Variants in ADAM17 observed in about 807,000 individuals in gnomAD.
ADAM17 encodes the protein disintegrin and metalloproteinase domain-containing protein 17.
ADAM17 carries 39 observed loss-of-function variants against 96.7 expected under a neutral mutation model. That is an observed-to-expected ratio of 0.40 (90% CI 0.31 to 0.53). The LOEUF (loss-of-function observed/expected upper bound fraction) is 0.53, where lower values mean the gene tolerates loss of function less well. Ranked by LOEUF, ADAM17 falls within the 20% of genes least tolerant of loss-of-function variation. ADAM17 has a pLI of 0.44. For synonymous variants in ADAM17, 344 were observed against 359.2 expected, an observed-to-expected ratio of 0.96 and a Z score of 0.48; for missense variants, 777 against 1,013.2, an observed-to-expected ratio of 0.77 and a Z score of 3.17.
intron 4 of ADAM17, among the ~76,000 whole-genome samples, chr2:9,529,761 C>T (rs1664665099): frequency 6.6e-6 from 1 of 152,050 alleles, no homozygotes; most frequent in Admixed American, 6.6e-5. Context: ...AACTTGAGTC[C>T]AGGAGTTCGA....
intron 5 of ADAM17, among the ~76,000 whole-genome samples, chr2:9,527,320 C>G (rs1161002506): frequency 2.0e-5 from 3 of 150,402 alleles, no homozygotes; most frequent in Non-Finnish European, 2.9e-5. Flanking sequence ...AAAACCTAAC[C>G]AGAGGTGTTT....
chr2:9,552,114 A>T (rs1381120190), intron 1 of ADAM17, among the ~76,000 whole-genome samples: 1 of 152,202 alleles, frequency 6.6e-6, no homozygotes, highest in East Asian at 1.9e-4. Flanking sequence ...CGTTACCTCA[A>T]TGAAGCCCAT....
Position 9,543,343 on chromosome 2 carries a change from G to T in ADAM17, c.98-58C>A. The stretch of plus-strand genomic sequence containing the variant: ...AAACCTAATAATCAATTGTAGTATC[G>T]TTAAAATGAGAGTGCCAGACAATAA... On this transcript the variant is annotated intron_variant, in intron 1 of 18. Transcript: ENST00000310823. 3.6e-6 allele frequency: 5 copies of T among 1,379,640 alleles called. 1 individual carries two copies. In the Admixed American group the frequency reaches 1.0e-4, roughly 29 times the overall value. The allele number at this position is 1,379,640 out of a possible 1,614,324, so 85.5% of individuals were successfully genotyped here.
At chr2:9,508,856 AAG>A (rs932567862) in intron 11 of ADAM17, among the ~76,000 whole-genome samples, 4 of 152,200 alleles carry the variant, frequency 2.6e-5, no homozygotes, top group Non-Finnish European at 5.9e-5. Context: ...AGTAGACAAA[AAG>A]GGGTAGAAAA....
chr2:9,518,373 G>A (rs1364978693), intron 8 of ADAM17, 126 bp from the exon 9 acceptor site: 1 of 1,187,758 alleles, frequency 8.4e-7, no homozygotes, highest in East Asian at 2.8e-5. Flanking sequence ...ATGCAGCTCA[G>A]CACCAGCAAT....
intron 4 of ADAM17, among the ~76,000 whole-genome samples, chr2:9,533,475 A>G (rs1351926408): frequency 2.0e-5 from 3 of 152,120 alleles, no homozygotes; most frequent in Admixed American, 6.5e-5. Flanking sequence ...TGAACCCAGG[A>G]GGCAGAGTCT....
chr2:9,495,725 G>A (rs1056276519), intron 14 of ADAM17, among the ~76,000 whole-genome samples: 371 of 133,240 alleles, frequency 2.8e-3, no homozygotes, highest in Non-Finnish European at 4.7e-3. Context: ...AAAAAAAAAA[G>A]AAAACCTTTT....
intron 8 of ADAM17, among the ~76,000 whole-genome samples, chr2:9,518,769 T>A (rs1183803284): frequency 1.3e-5 from 2 of 152,124 alleles, no homozygotes; most frequent in African/African-American, 2.4e-5. Flanking sequence ...AGATTTTACA[T>A]CCATTTAAAT....
chr2:9,518,910 G>C (rs1572928645), intron 8 of ADAM17, among the ~76,000 whole-genome samples: 1 of 150,550 alleles, frequency 6.6e-6, no homozygotes, highest in Non-Finnish European at 1.5e-5. Flanking sequence ...GGGGGGGTTT[G>C]ATTTATTTTG....
rs72777011 is a variant in ADAM17, at chr2:9,542,774, T to C, written c.230+379A>G. 4.3e-3 allele frequency among the ~76,000 whole-genome samples: 649 copies of C among 152,264 alleles called. 2 individuals are homozygous for C. The highest frequency in any genetic ancestry group is 0.01 in the Admixed American group (157 of 15,268). On this transcript the variant is annotated intron_variant, in intron 2 of 18. Coordinates refer to ENST00000310823, the MANE Select transcript of ADAM17 (RefSeq NM_003183.6). The stretch of plus-strand genomic sequence containing the variant: ...AGTGCAGTGGCACCATCTCGGCTAG[T>C]GCAGCCTCCACCTCCCTGGTTCAAG...
intron 17 of ADAM17, among the ~76,000 whole-genome samples, chr2:9,492,099 G>A (rs1274921826): frequency 6.6e-6 from 1 of 152,220 alleles, no homozygotes; most frequent in Non-Finnish European, 1.5e-5. Context: ...CAGCAGGAAA[G>A]GAAAGGAAGG....
At chr2:9,545,290 T>A (rs1458111824) in intron 1 of ADAM17, among the ~76,000 whole-genome samples, 1 of 152,090 alleles carries the variant, frequency 6.6e-6, no homozygotes, top group Non-Finnish European at 1.5e-5. Context: ...CTGAACTGGC[T>A]GGGCATGGTG....
intron 1 of ADAM17, among the ~76,000 whole-genome samples, chr2:9,551,775 G>C (rs1023242273): frequency 6.6e-6 from 1 of 152,054 alleles, no homozygotes; most frequent in African/African-American, 2.4e-5. Flanking sequence ...ATATTTTTAA[G>C]TAACTTTTTT....
At chr2:9,515,625 T>C (rs980711991) in intron 10 of ADAM17, among the ~76,000 whole-genome samples, 5 of 150,610 alleles carry the variant, frequency 3.3e-5, no homozygotes, top group African/African-American at 1.2e-4. Flanking sequence ...TAATCCCAGC[T>C]ACTCAGGAGA....
intron 13 of ADAM17, among the ~76,000 whole-genome samples, chr2:9,500,796 G>C (rs921112428): frequency 6.6e-6 from 1 of 152,152 alleles, no homozygotes; most frequent in African/African-American, 2.4e-5. Flanking sequence ...TATATACCTA[G>C]TAATAACATA....
Position 9,516,003 on chromosome 2 carries a change from G to A in ADAM17, c.1191+1898C>T, listed in dbSNP as rs953566227. Among the ~76,000 whole-genome samples, 9 of 150,940 alleles carry A rather than the reference G, an allele frequency of 6.0e-5. No homozygotes were observed. The East Asian group carries it at 1.8e-3, about 30-fold the overall frequency. ...GGATGGGTCTCAAACTCCTGGGCTC[G>A]AGCAATCCTCCCACCTCAGCCTCCC... On this transcript the variant is annotated intron_variant, in intron 10 of 18. Coordinates refer to ENST00000310823, the MANE Select transcript of ADAM17 (RefSeq NM_003183.6).
rs1350540984 is a variant in ADAM17, at chr2:9,555,676, A to T, written c.-71T>A. 7.7e-7 allele frequency: 1 copy of T among 1,299,856 alleles called. No individual in the cohort carries two copies. 80.5% of individuals were successfully genotyped at this position (1,299,856 alleles called of 1,614,324 possible). On this transcript the variant is annotated 5_prime_UTR_variant, in exon 1 of 19. An upstream open reading frame in the 5' UTR loses its in-frame stop. Coordinates refer to ENST00000310823, the MANE Select transcript of ADAM17 (RefSeq NM_003183.6). ...CTGACGGGGTTTCGGAAAACTGCTCACATCGGGGGAGGACGGGATCCGCCC... is the reference window on the plus strand; with the variant it reads ...CTGACGGGGTTTCGGAAAACTGCTCTCATCGGGGGAGGACGGGATCCGCCC...
chr2:9,519,922 C>T (rs1381623743), intron 8 of ADAM17, among the ~76,000 whole-genome samples: 3 of 152,228 alleles, frequency 2.0e-5, no homozygotes, highest in Non-Finnish European at 4.4e-5. Flanking sequence ...TAAACAGTAA[C>T]ACTTGCTGAG....
At chr2:9,531,331 G>T (rs528443357) in intron 4 of ADAM17, among the ~76,000 whole-genome samples, 2 of 152,092 alleles carry the variant, frequency 1.3e-5, no homozygotes, top group African/African-American at 4.8e-5. Context: ...ACTTTGGGAG[G>T]CCGAGGTGGG....
Sources: allele counts gnomAD v4.1 joint callset (sites outside exome capture counted in the v4.1 genomes callset), GRCh38; gene constraint gnomAD v4.1.1; transcripts MANE v1.5; gene names NCBI Gene and HGNC (gene_info 2026-07-23, HGNC 2026-07-21).